DLGAP2: variants seen among roughly 807,000 people sequenced by gnomAD.
DLGAP2 encodes the protein DLG associated protein 2, also known as disks large-associated protein 2.
A neutral mutation model predicts 100.3 loss-of-function variants in DLGAP2; 26 were observed. The ratio of observed to expected loss-of-function variants is 0.26; its 90% CI spans 0.19 to 0.36. The LOEUF (loss-of-function observed/expected upper bound fraction) is 0.36, where lower values mean the gene tolerates loss of function less well. Ranked by LOEUF, DLGAP2 falls within the 10% of genes least tolerant of loss-of-function variation. The pLI, the probability that DLGAP2 is intolerant of heterozygous loss-of-function variation, is 1.00. For missense variants in DLGAP2, 1,858 were observed against 1,453.2 expected (o/e 1.28, Z -4.53); for synonymous variants, 886 against 630.1 (o/e 1.41, Z -6.08).
intron 2 of DLGAP2, among the ~76,000 whole-genome samples, chr8:1,200,372 A>T (rs1174542756): frequency 1.3e-5 from 2 of 152,162 alleles, no homozygotes. Context: ...GCTTGTTAAA[A>T]CTGTGCTTTC....
chr8:1,251,616 A>G (rs1477350902), intron 2 of DLGAP2, among the ~76,000 whole-genome samples: 1 of 152,180 alleles, frequency 6.6e-6, no homozygotes, highest in African/African-American at 2.4e-5. Context: ...AAGTTATTTA[A>G]GCATCACTCA....
chr8:919,011 A>G (rs1230485972), intron 2 of DLGAP2, among the ~76,000 whole-genome samples: 1 of 152,262 alleles, frequency 6.6e-6, no homozygotes, highest in Non-Finnish European at 1.5e-5. Context: ...TGCGATCAGA[A>G]CTCACTGCAG....
In DLGAP2 at chr8:1,536,691, C is replaced by G. The variant is rs1311913710; in HGVS notation, c.173-11935C>G. Among the ~76,000 whole-genome samples the G allele has an allele frequency of 2.6e-5, 4 of 152,216 alleles. No individual in the cohort carries two copies. In the South Asian group the frequency reaches 6.2e-4, roughly 24 times the overall value. ...CAGGTGCAGTCAGCAGACTCTGAAT[C>G]TGAACCCGCGTTTGGTCTCATATTC... On this transcript the variant is annotated intron_variant, in intron 4 of 14. Transcript: ENST00000637795.
intron 2 of DLGAP2, among the ~76,000 whole-genome samples, chr8:1,141,915 A>G (rs927109639): frequency 2.0e-5 from 3 of 152,090 alleles, no homozygotes; most frequent in African/African-American, 7.2e-5. Context: ...AAATGAACTC[A>G]TTATAATTTT....
chr8:959,783 G>T (rs1382505157), intron 2 of DLGAP2, among the ~76,000 whole-genome samples: 1 of 152,130 alleles, frequency 6.6e-6, no homozygotes, highest in African/African-American at 2.4e-5. Context: ...AAACTAAAGA[G>T]GAGAGAATAT....
chr8:1,344,940 C>G (rs756815822), intron 3 of DLGAP2, among the ~76,000 whole-genome samples: 11 of 152,204 alleles, frequency 7.2e-5, no homozygotes, highest in Non-Finnish European at 1.2e-4. Flanking sequence ...GTGAAGAGGA[C>G]TCAACATCAC....
chr8:813,283 C>G (rs1214056702), intron 1 of DLGAP2, among the ~76,000 whole-genome samples: 1 of 151,290 alleles, frequency 6.6e-6, no homozygotes, highest in African/African-American at 2.4e-5. Context: ...AACCAAAATG[C>G]TGAGACATTT....
chr8:1,538,114 G>T (rs1030531199), intron 4 of DLGAP2, among the ~76,000 whole-genome samples: 1 of 152,140 alleles, frequency 6.6e-6, no homozygotes, highest in South Asian at 2.1e-4. Context: ...TGGGGCTGCC[G>T]AGGCACTCAT....
intron 6 of DLGAP2, among the ~76,000 whole-genome samples, chr8:1,577,460 C>T (rs1444900972): frequency 2.0e-5 from 3 of 150,082 alleles, no homozygotes; most frequent in East Asian, 2.0e-4. Flanking sequence ...CCCAGCTACT[C>T]GAGAGGCTGA....
At chr8:769,251 T>G (rs1821295028) in intron 1 of DLGAP2, among the ~76,000 whole-genome samples, 1 of 151,964 alleles carries the variant, frequency 6.6e-6, no homozygotes, top group Non-Finnish European at 1.5e-5. Context: ...GCACATGGAG[T>G]GCTTGCAGTC....
At position 809,680 on chromosome 8, in the gene DLGAP2, G is replaced by A. The variant is rs188386695; in HGVS notation, c.18+71855G>A. The stretch of plus-strand genomic sequence containing the variant: ...GAAATTGGTGAAGAACGGATGTGTT[G>A]TTTTCATGTGAGCTCACCTCCTTTG... On this transcript the variant is annotated intron_variant, in intron 1 of 14. Coordinates refer to ENST00000637795, the MANE Select transcript of DLGAP2 (RefSeq NM_001346810.2). 3.5e-4 allele frequency among the ~76,000 whole-genome samples: 54 copies of A among 152,262 alleles called. 1 individual carries two copies. Among genetic ancestry groups the A allele is most frequent in the Non-Finnish European group, 6.9e-4 (47 of 68,020 alleles).
intron 2 of DLGAP2, among the ~76,000 whole-genome samples, chr8:931,212 G>A (rs563093137): frequency 8.5e-5 from 13 of 152,276 alleles, no homozygotes; most frequent in Admixed American, 1.3e-4. Flanking sequence ...GGACAGGCGG[G>A]TGTCTGAGGG....
chr8:1,332,122 T>G (rs1801170580), intron 3 of DLGAP2, among the ~76,000 whole-genome samples: 1 of 152,190 alleles, frequency 6.6e-6, no homozygotes, highest in Admixed American at 6.5e-5. Flanking sequence ...TTTGCTGCAG[T>G]CAATGTGTCC....
At chr8:1,155,575 C>T (rs534475860) in intron 2 of DLGAP2, among the ~76,000 whole-genome samples, 5 of 149,062 alleles carry the variant, frequency 3.4e-5, no homozygotes, top group Non-Finnish European at 5.9e-5. Flanking sequence ...GGTGCAGGCT[C>T]GCAGGTTGCA....
At chr8:764,671 C>A (rs936055925) in intron 1 of DLGAP2, among the ~76,000 whole-genome samples, 1 of 152,140 alleles carries the variant, frequency 6.6e-6, no homozygotes, top group African/African-American at 2.4e-5. Flanking sequence ...GTAACCTCTA[C>A]CGTAAGTACC....
At chr8:1,159,282 CTGT>C (rs1327650981) in intron 2 of DLGAP2, among the ~76,000 whole-genome samples, 3 of 152,200 alleles carry the variant, frequency 2.0e-5, no homozygotes, top group African/African-American at 7.2e-5. Context: ...CAAGAGTCTC[CTGT>C]TGTTTAATCC....
At chr8:1,300,505 A>C (rs2116992071) in intron 3 of DLGAP2, 1 of 152,372 alleles carries the variant, frequency 6.6e-6, no homozygotes, top group African/African-American at 2.4e-5. Flanking sequence ...GTACTTGTCA[A>C]GTACTGACCG....
rs373964468 is a variant in DLGAP2, at chr8:1,097,782, A to T, written c.74-161069A>T. ...CTTCACCCTTTGTGGCATGGAGAGG[A>T]CCCCTCCAGCGTGAGACCCACCTCC... On this transcript the variant is annotated intron_variant, in intron 2 of 14. Coordinates refer to ENST00000637795, the MANE Select transcript of DLGAP2 (RefSeq NM_001346810.2). Among the ~76,000 whole-genome samples the T allele has an allele frequency of 4.6e-3, 239 of 52,306 alleles. 1 individual carries two copies. Among genetic ancestry groups the T allele is most frequent in the Middle Eastern group, 0.017 (1 of 60 alleles). 34.3% of individuals were successfully genotyped at this position (52,306 alleles called of 152,430 possible). A position where few individuals can be genotyped will look rare whatever the true frequency, so the allele number is the denominator to read the frequency against.
chr8:1,323,599 C>G (rs1363624741), intron 3 of DLGAP2, among the ~76,000 whole-genome samples: 3 of 152,172 alleles, frequency 2.0e-5, no homozygotes, highest in Non-Finnish European at 2.9e-5. Flanking sequence ...GCAGCTCCTG[C>G]TGTACGGGGA....
Sources: allele counts gnomAD v4.1 joint callset (sites outside exome capture counted in the v4.1 genomes callset), GRCh38; gene constraint gnomAD v4.1.1; transcripts MANE v1.5; gene names NCBI Gene and HGNC (gene_info 2026-07-23, HGNC 2026-07-21).